TTC7B: variants seen among roughly 807,000 people sequenced by gnomAD.
TTC7B encodes tetratricopeptide repeat domain 7B.
A neutral mutation model predicts 106.8 loss-of-function variants in TTC7B; 28 were observed. The ratio of observed to expected loss-of-function variants is 0.26; its 90% CI spans 0.19 to 0.36. The LOEUF is 0.36. TTC7B is among the 10% of genes least tolerant of loss of function. The probability of loss-of-function intolerance (pLI) is 1.00; values close to 1 mark genes in which losing one functional copy is unlikely to be tolerated. For missense variants in TTC7B, 862 were observed against 1,076.4 expected (o/e 0.80, Z 2.79); for synonymous variants, 405 against 430.6 (o/e 0.94, Z 0.74).
At position 90,624,865 on chromosome 14, in the gene TTC7B, C is replaced by T. The variant is rs1339803829; in HGVS notation, c.1752-6820G>A. 6.6e-6 allele frequency among the ~76,000 whole-genome samples: 1 copy of T among 152,200 alleles called. No individual in the cohort carries two copies. The highest frequency in any genetic ancestry group is 1.5e-5 in the Non-Finnish European group (1 of 68,046). On this transcript the variant is annotated intron_variant, in intron 15 of 19. Coordinates refer to ENST00000328459, the MANE Select transcript of TTC7B (RefSeq NM_001010854.2). This position sits in a 1 kb window ranked among gnomAD's most constrained non-coding sequence, Gnocchi z 4.0. Reference sequence around the variant, plus strand: ...TTGTGCTGATCTGTGTTTGCGAGCTCCTGGGCTCTGCATGCCAGGGACCTG... The same window carrying T: ...TTGTGCTGATCTGTGTTTGCGAGCTTCTGGGCTCTGCATGCCAGGGACCTG...
rs1280787741 is a variant in TTC7B at position 90,577,869 on chromosome 14, C to T, written c.2310+237G>A. ...GACTGCTGGCCAGGAGACCACAGCA[C>T]CTAACAGGATGTCGGGTAGGGCTGC... On this transcript the variant is annotated intron_variant, in intron 19 of 19. Transcript: ENST00000328459. The surrounding 1 kb of genome is among the most constrained non-coding windows in gnomAD (Gnocchi z 5.0). 6.6e-6 allele frequency among the ~76,000 whole-genome samples: 1 copy of T among 152,264 alleles called. No homozygotes were observed. The highest frequency in any genetic ancestry group is 1.5e-5 in the Non-Finnish European group (1 of 68,046).
intron 15 of TTC7B, among the ~76,000 whole-genome samples, chr14:90,633,446 G>A (rs1422065431): frequency 6.6e-6 from 1 of 152,214 alleles, no homozygotes; most frequent in Admixed American, 6.5e-5. Flanking sequence ...TGCTGAATGA[G>A]AATGCAACCT....
At chr14:90,553,354 A>G (rs1890167558) in intron 19 of TTC7B, among the ~76,000 whole-genome samples, 1 of 152,160 alleles carries the variant, frequency 6.6e-6, no homozygotes, top group Non-Finnish European at 1.5e-5. Flanking sequence ...TTTTTTCAAA[A>G]AAACCTCTTA....
intron 19 of TTC7B, among the ~76,000 whole-genome samples, chr14:90,542,034 G>T (rs924192344): frequency 3.9e-5 from 6 of 152,126 alleles, no homozygotes; most frequent in Non-Finnish European, 8.8e-5. Flanking sequence ...CCGCCTCCCG[G>T]GTTCATGCCA....
intron 1 of TTC7B, among the ~76,000 whole-genome samples, chr14:90,795,313 C>T (rs1309167427): frequency 6.6e-6 from 1 of 152,158 alleles, no homozygotes; most frequent in Admixed American, 6.5e-5. Context: ...AAGGTGAGCC[C>T]ACTACGGCCT....
At chr14:90,729,998 T>C in intron 5 of TTC7B, 77 bp downstream of exon 5, 1 of 1,411,354 alleles carries the variant, frequency 7.1e-7, no homozygotes, top group Non-Finnish European at 9.4e-7. Flanking sequence ...TTATAATAAC[T>C]AAACTGGAGA....
chr14:90,541,379 G>T lies in TTC7B; in HGVS notation c.2521C>A (p.Arg841Ser). Residue 841 changes from arginine (R) to serine (S), a missense_variant, in exon 20 of 20, where the codon CGC becomes AGC. Coordinates refer to ENST00000328459, the MANE Select transcript of TTC7B (RefSeq NM_001010854.2). ...SPAVPFTIIPRVL is the reference protein window; with the variant it reads ...SPAVPFTIIPSVL The stretch of plus-strand genomic sequence containing the variant: ...TGGCAGGCGCCTGCTCAGAGCACGC[G>T]GGGGATGATGGTGAAGGGCACGGCG... 6.2e-7 allele frequency: 1 copy of T among 1,607,474 alleles called. No homozygotes were observed.
chr14:90,685,342 G>A (rs1490635777), intron 7 of TTC7B, among the ~76,000 whole-genome samples: 1 of 152,180 alleles, frequency 6.6e-6, no homozygotes, highest in African/African-American at 2.4e-5. Context: ...CTGCCAATGT[G>A]AATGGGTCAG....
At chr14:90,686,857 G>T (rs1034451993) in intron 7 of TTC7B, among the ~76,000 whole-genome samples, 2 of 152,242 alleles carry the variant, frequency 1.3e-5, no homozygotes, top group East Asian at 1.9e-4. Flanking sequence ...ATTGTTGAAA[G>T]AAATTAAAGA....
At chr14:90,764,868 A>T (rs1890621338) in intron 3 of TTC7B, among the ~76,000 whole-genome samples, 1 of 152,182 alleles carries the variant, frequency 6.6e-6, no homozygotes, top group African/African-American at 2.4e-5. Flanking sequence ...GCTGCTTTGG[A>T]AAACAGCTTG....
Position 90,807,390 on chromosome 14 carries a change from C to T in TTC7B, c.121+8785G>A, listed in dbSNP as rs1300620889. ...CGTCTAAAGTCTGGTCCTAGAACTC[C>T]GGGCACCATAATCACTTGGGGCCCT... On this transcript the variant is annotated intron_variant, in intron 1 of 19. Coordinates refer to ENST00000328459, the MANE Select transcript of TTC7B (RefSeq NM_001010854.2). This position sits in a 1 kb window ranked among gnomAD's most constrained non-coding sequence, Gnocchi z 4.1. Among the ~76,000 whole-genome samples, 5 of 152,158 alleles carry T rather than the reference C, an allele frequency of 3.3e-5. No individual in the cohort carries two copies. Among genetic ancestry groups the T allele is most frequent in the African/African-American group, 9.7e-5 (4 of 41,438 alleles).
At chr14:90,605,983 A>C (rs1892622738) in intron 17 of TTC7B, among the ~76,000 whole-genome samples, 1 of 152,206 alleles carries the variant, frequency 6.6e-6, no homozygotes, top group Non-Finnish European at 1.5e-5. Flanking sequence ...AACACCATGG[A>C]ATAAAAATAA....
At chr14:90,689,316 T>C (rs1367773998) in intron 7 of TTC7B, among the ~76,000 whole-genome samples, 2 of 152,216 alleles carry the variant, frequency 1.3e-5, no homozygotes, top group Non-Finnish European at 2.9e-5. Flanking sequence ...ACCCAAGCAC[T>C]GAGATGAGAG....
At chr14:90,554,780 C>G (rs964587055) in intron 19 of TTC7B, among the ~76,000 whole-genome samples, 3 of 152,168 alleles carry the variant, frequency 2.0e-5, no homozygotes, top group Admixed American at 6.5e-5. Context: ...AAGAAGAAGG[C>G]GGAAGCTCAG....
chr14:90,741,877 A>C (rs1889780225), intron 4 of TTC7B, among the ~76,000 whole-genome samples: 1 of 152,166 alleles, frequency 6.6e-6, no homozygotes, highest in Non-Finnish European at 1.5e-5. Flanking sequence ...TCTCATTGCT[A>C]ATATCTCAGC....
At chr14:90,644,323 T>G in intron 14 of TTC7B, 115 bp from the exon 15 acceptor site, 1 of 1,090,808 alleles carries the variant, frequency 9.2e-7, no homozygotes, top group Non-Finnish European at 1.3e-6. Context: ...TCTCTTCAAA[T>G]ATTGAGTTGT....
intron 1 of TTC7B, among the ~76,000 whole-genome samples, chr14:90,793,580 CTTTTG>C (rs922744222): frequency 4.7e-4 from 68 of 145,248 alleles, no homozygotes; most frequent in Admixed American, 1.0e-3. Flanking sequence ...TCAGGTATTT[CTTTTG>C]TTTGTTTGTT....
intron 18 of TTC7B, among the ~76,000 whole-genome samples, chr14:90,581,208 G>T (rs570377394): frequency 6.6e-6 from 1 of 152,276 alleles, no homozygotes; most frequent in Non-Finnish European, 1.5e-5. Flanking sequence ...ACAGAAACTC[G>T]AGCAATTCCA....
At position 90,801,008 on chromosome 14, in the gene TTC7B, G is replaced by C. The variant is rs114201033; in HGVS notation, c.122-14680C>G. On this transcript the variant is annotated intron_variant, in intron 1 of 19. Coordinates refer to ENST00000328459, the MANE Select transcript of TTC7B (RefSeq NM_001010854.2). ...TGAGACCAGGCTATACGGTCCTTGA[G>C]AGGAGACCTGTTAACTGAGTTATGG... Among the ~76,000 whole-genome samples, 624 of 151,986 alleles carry C rather than the reference G, an allele frequency of 4.1e-3. 8 individuals are homozygous for C. Among genetic ancestry groups the C allele is most frequent in the African/African-American group, 0.014 (594 of 41,458 alleles).
Sources: gnomAD v4.1 joint callset for allele counts (sites outside exome capture counted in the v4.1 genomes callset) on GRCh38, gnomAD v4.1.1 for gene constraint, Gnocchi (gnomAD v3.1) non-coding constraint, MANE v1.5 for transcripts, NCBI Gene and HGNC (gene_info 2026-07-23, HGNC 2026-07-21) for gene names.